The following MYO1H variants were observed in gnomAD, a reference collection of about 807,000 sequenced individuals.
MYO1H encodes myosin IH.
A neutral mutation model predicts 149.3 loss-of-function variants in MYO1H; 118 were observed. The ratio of observed to expected loss-of-function variants is 0.79; its 90% CI spans 0.68 to 0.92. The LOEUF (loss-of-function observed/expected upper bound fraction) is 0.92, where lower values mean the gene tolerates loss of function less well. Ranked by LOEUF, MYO1H falls within the 40% of genes least tolerant of loss-of-function variation. MYO1H has a pLI of 0.00. For missense variants in MYO1H, 1,212 were observed against 1,280.7 expected (o/e 0.95, Z 0.82); for synonymous variants, 447 against 465.2 (o/e 0.96, Z 0.50).
chr12:109,333,583 C>T, the MYO1H span, among the ~76,000 whole-genome samples: 31 of 152,090 alleles, frequency 2.0e-4, no homozygotes, highest in Non-Finnish European at 5.9e-5. Context: ...CACAGGAACA[C>T]GTGACTGTGG....
At chr12:109,440,515 C>T in intron 24 of MYO1H, 1 of 491,964 alleles carries the variant, frequency 2.0e-6, no homozygotes, top group South Asian at 2.2e-5. Flanking sequence ...ATAGCCAGTT[C>T]TGCAGGTGAG....
the MYO1H span, among the ~76,000 whole-genome samples, chr12:109,326,687 T>C: frequency 4.6e-5 from 7 of 151,664 alleles, no homozygotes; most frequent in African/African-American, 1.7e-4. Context: ...CCCCGGCTAA[T>C]TTTTGTATTT....
intron 31 of MYO1H, chr12:109,446,434 T>C (rs1209324370): frequency 1.0e-6 from 1 of 985,318 alleles, no homozygotes; most frequent in Admixed American, 6.1e-5. Context: ...ATGGAGTGTC[T>C]CATACACATT....
chr12:109,318,960 G>GTTTTTTTTGTTT, the MYO1H span, among the ~76,000 whole-genome samples: 8 of 77,918 alleles, frequency 1.0e-4, no homozygotes, highest in South Asian at 5.0e-4. Context: ...AACTCTCTGC[G>GTTTTTTTTGTTT]TTTTTGGTTT....
exon 32 of MYO1H, chr12:109,447,196 C>G: frequency 6.3e-7 from 1 of 1,591,728 alleles, no homozygotes; most frequent in Non-Finnish European, 8.6e-7. Context: ...AGGATGACGT[C>G]TGACCTCTAC....
Position 109,427,563 on chromosome 12 carries a change from G to GA in MYO1H, c.1929dup (p.Tyr644IlefsTer64). ...GACGGGCTGGTTTTGCATACCGAAG[G>GA]AAATACGAGCATTTCTTGCAAAGGT... is the stretch of plus-strand genomic sequence containing the variant. On this transcript the variant is annotated frameshift_variant, in exon 19 of 32. Coordinates refer to ENST00000310903, the Ensembl canonical transcript of MYO1H. LOFTEE classifies it high-confidence loss of function. The GA allele has an allele frequency of 6.2e-7, 1 of 1,612,198 alleles. No individual in the cohort carries two copies. Among genetic ancestry groups the GA allele is most frequent in the Non-Finnish European group, 8.5e-7 (1 of 1,178,632 alleles).
intron 14 of MYO1H, 137 bp from the exon 15 acceptor site, chr12:109,415,389 C>T (rs576649117): frequency 1.6e-5 from 10 of 639,768 alleles, no homozygotes; most frequent in South Asian, 1.1e-4. Context: ...GCAGGAGAAT[C>T]GCTTAAACCC....
chr12:109,435,450 T>C (rs73194247), intron 21 of MYO1H, among the ~76,000 whole-genome samples: 7,211 of 152,326 alleles, frequency 0.047, 254 homozygotes, highest in Non-Finnish European at 0.067. Context: ...GCGTGTCTGA[T>C]GTTGGAAAGT....
At chr12:109,327,108 TTTC>T in the MYO1H span, among the ~76,000 whole-genome samples, 1 of 150,022 alleles carries the variant, frequency 6.7e-6, no homozygotes, top group Non-Finnish European at 1.5e-5. Context: ...TTATTTAATT[TTTC>T]TTTTCTTTTT....
chr12:109,431,620 T>C (rs1871624122), intron 19 of MYO1H, among the ~76,000 whole-genome samples: 1 of 152,186 alleles, frequency 6.6e-6, no homozygotes, highest in South Asian at 2.1e-4. Context: ...TCTACGCCAG[T>C]GGCTCCGGTT....
At chr12:109,418,824 G>A (rs540577455) in intron 15 of MYO1H, among the ~76,000 whole-genome samples, 4 of 152,264 alleles carry the variant, frequency 2.6e-5, no homozygotes, top group Admixed American at 6.5e-5. Context: ...GATTACAGGC[G>A]TGAGCCACCG....
chr12:109,373,079 T>C (rs936499096), intron 1 of MYO1H, among the ~76,000 whole-genome samples: 1 of 152,130 alleles, frequency 6.6e-6, no homozygotes. Context: ...ACATTAGAGC[T>C]ATTGATTTTT....
At chr12:109,409,904 G>T in intron 11 of MYO1H, 59 bp from the exon 12 acceptor site, 1 of 1,000,356 alleles carries the variant, frequency 1.0e-6, no homozygotes, top group Non-Finnish European at 1.4e-6. Flanking sequence ...AATATAATTT[G>T]TTTAAAAAAA....
chr12:109,319,614 A>G, the MYO1H span, among the ~76,000 whole-genome samples: 1 of 152,192 alleles, frequency 6.6e-6, no homozygotes, highest in Non-Finnish European at 1.5e-5. Context: ...CAAGGAAATG[A>G]GTATAACAAT....
intron 15 of MYO1H, among the ~76,000 whole-genome samples, chr12:109,416,212 A>G (rs1344562509): frequency 2.6e-5 from 4 of 152,010 alleles, no homozygotes; most frequent in Non-Finnish European, 4.4e-5. Flanking sequence ...GTGAGCCACC[A>G]TGCCTGGCTA....
At position 109,417,631 on chromosome 12, in the gene MYO1H, T is replaced by C. The variant is rs192458758; in HGVS notation, c.1597+2011T>C. Among the ~76,000 whole-genome samples the C allele has an allele frequency of 3.3e-4, 50 of 151,830 alleles. No homozygotes were observed. The East Asian group carries it at 8.7e-3, about 26-fold the overall frequency. On this transcript the variant is annotated intron_variant, in intron 15 of 31. Coordinates refer to ENST00000310903, the Ensembl canonical transcript of MYO1H. ...CGTGAGCCACCATGCCCCGCCTATA[T>C]GTGGTGTTCTTCCAACCGTATTAGT...
intron 14 of MYO1H, among the ~76,000 whole-genome samples, chr12:109,415,085 G>T (rs555219438): frequency 6.6e-6 from 1 of 152,284 alleles, no homozygotes; most frequent in African/African-American, 2.4e-5. Flanking sequence ...GAGCCTCCCT[G>T]TGTGGTGGCT....
rs576837307 is a variant in MYO1H at position 109,411,521 on chromosome 12, T to C, written c.1411-373T>C. 1.8e-4 allele frequency among the ~76,000 whole-genome samples: 27 copies of C among 152,368 alleles called. No individual in the cohort carries two copies. The South Asian group carries it at 2.7e-3, about 15-fold the overall frequency. ...CGACTTAACTGGTTTTATACCTTTCTTTCCATGAGGGCTTTTCTTCTACAA... is the reference window on the plus strand; with the variant it reads ...CGACTTAACTGGTTTTATACCTTTCCTTCCATGAGGGCTTTTCTTCTACAA... On this transcript the variant is annotated intron_variant, in intron 13 of 31. Transcript: ENST00000310903.
chr12:109,443,973 T>C (rs975670781), intron 28 of MYO1H, among the ~76,000 whole-genome samples: 4 of 152,016 alleles, frequency 2.6e-5, no homozygotes, highest in African/African-American at 7.2e-5. Context: ...TGCACCCTTA[T>C]TCTGGCATAA....
Sources: gnomAD v4.1 joint callset for allele counts (sites outside exome capture counted in the v4.1 genomes callset) on GRCh38, gnomAD v4.1.1 for gene constraint, MANE v1.5 for transcripts, NCBI Gene and HGNC (gene_info 2026-07-23, HGNC 2026-07-21) for gene names.